The following CFAP299 variants were observed in gnomAD, a reference collection of about 807,000 sequenced individuals.
CFAP299 encodes the protein cilia- and flagella-associated protein 299.
In CFAP299, 21 loss-of-function variants were observed where a neutral mutation model predicts 27.0. That is an observed-to-expected ratio of 0.78 (90% CI 0.55 to 1.12). The LOEUF is 1.12. Among genes scored for constraint, CFAP299 ranks in the 50% most tolerant of loss-of-function variants. The probability of loss-of-function intolerance (pLI) is 0.00; values close to 1 mark genes in which losing one functional copy is unlikely to be tolerated. For synonymous variants in CFAP299, 104 were observed against 98.1 expected, an observed-to-expected ratio of 1.06 and a Z score of -0.36; for missense variants, 310 against 276.6, an observed-to-expected ratio of 1.12 and a Z score of -0.86.
At chr4:80,542,491 T>G (rs1298967205) in intron 2 of CFAP299, among the ~76,000 whole-genome samples, 1 of 152,058 alleles carries the variant, frequency 6.6e-6, no homozygotes, top group Admixed American at 6.6e-5. Context: ...CCAAGAATGC[T>G]CCACAGGGTT....
chr4:80,476,186 C>T (rs1306109841), intron 2 of CFAP299, among the ~76,000 whole-genome samples: 1 of 152,194 alleles, frequency 6.6e-6, no homozygotes, highest in Non-Finnish European at 1.5e-5. Context: ...CACAGCTTCA[C>T]CATCACTCCC....
At chr4:80,862,809 A>G (rs751292081) in intron 3 of CFAP299, among the ~76,000 whole-genome samples, 28 of 152,294 alleles carry the variant, frequency 1.8e-4, no homozygotes, top group Non-Finnish European at 3.2e-4. Context: ...TTTTATATAT[A>G]TATGTAAAAC....
At chr4:80,857,701 A>G (rs1732006873) in intron 3 of CFAP299, among the ~76,000 whole-genome samples, 1 of 152,176 alleles carries the variant, frequency 6.6e-6, no homozygotes, top group African/African-American at 2.4e-5. Flanking sequence ...TATATGCTGG[A>G]TTACATTTAT....
intron 3 of CFAP299, among the ~76,000 whole-genome samples, chr4:80,714,410 A>C (rs1184462535): frequency 6.6e-6 from 1 of 152,128 alleles, no homozygotes; most frequent in Non-Finnish European, 1.5e-5. Flanking sequence ...TTGCCTGGAG[A>C]AAATGCTCTG....
intron 3 of CFAP299, among the ~76,000 whole-genome samples, chr4:80,663,028 A>C (rs1180675625): frequency 6.6e-6 from 1 of 151,958 alleles, no homozygotes; most frequent in Non-Finnish European, 1.5e-5. Context: ...GAAAAAAAAA[A>C]ACAACACATC....
chr4:80,847,981 G>T (rs1316864404), intron 3 of CFAP299, among the ~76,000 whole-genome samples: 2 of 152,076 alleles, frequency 1.3e-5, no homozygotes, highest in African/African-American at 4.8e-5. Context: ...AGGCTGAGGT[G>T]AGTGGATCGC....
At chr4:80,938,225 C>T (rs758508123) in intron 4 of CFAP299, among the ~76,000 whole-genome samples, 1 of 152,172 alleles carries the variant, frequency 6.6e-6, no homozygotes, top group African/African-American at 2.4e-5. Context: ...TGGCCATATA[C>T]TGGCCCCAAA....
chr4:80,756,328 G>C (rs1319366916), intron 3 of CFAP299, among the ~76,000 whole-genome samples: 3 of 151,856 alleles, frequency 2.0e-5, no homozygotes, highest in African/African-American at 4.8e-5. Context: ...CTTTCCCTAA[G>C]CATGAAAATA....
chr4:80,718,876 G>A (rs1462379344), intron 3 of CFAP299, among the ~76,000 whole-genome samples: 1 of 151,974 alleles, frequency 6.6e-6, no homozygotes. Context: ...AAAGTTCAAA[G>A]CACTAATGTG....
intron 2 of CFAP299, among the ~76,000 whole-genome samples, chr4:80,364,662 T>C (rs1396486826): frequency 6.6e-6 from 1 of 152,202 alleles, no homozygotes; most frequent in African/African-American, 2.4e-5. Flanking sequence ...TAGGTAAACA[T>C]GTGCCATGGT....
At chr4:80,825,758 A>G (rs1447133756) in intron 3 of CFAP299, among the ~76,000 whole-genome samples, 1 of 151,904 alleles carries the variant, frequency 6.6e-6, no homozygotes, top group African/African-American at 2.4e-5. Context: ...AGTCCTGGAG[A>G]GTAAAATGAA....
intron 3 of CFAP299, among the ~76,000 whole-genome samples, chr4:80,842,741 T>C (rs1165094130): frequency 1.3e-5 from 2 of 152,100 alleles, no homozygotes; most frequent in African/African-American, 4.8e-5. Context: ...GTGATTAGGC[T>C]ATGACACCAG....
intron 3 of CFAP299, among the ~76,000 whole-genome samples, chr4:80,634,272 G>A (rs1012323990): frequency 3.3e-5 from 5 of 151,940 alleles, no homozygotes; most frequent in African/African-American, 4.8e-5. Context: ...GTGAGCCACC[G>A]CACATGGCCG....
At chr4:80,842,280 T>C (rs897379331) in intron 3 of CFAP299, among the ~76,000 whole-genome samples, 12 of 152,266 alleles carry the variant, frequency 7.9e-5, no homozygotes, top group African/African-American at 2.6e-4. Flanking sequence ...AGCACAGACA[T>C]TGGGTCATGG....
chr4:80,945,030 C>T, intron 5 of CFAP299, 91 bp downstream of exon 5: 3 of 1,229,186 alleles, frequency 2.4e-6, no homozygotes, highest in Non-Finnish European at 3.5e-6. Flanking sequence ...ATTTGACACT[C>T]TTAAGTTGTT....
chr4:80,779,706 C>T (rs1484412668), intron 3 of CFAP299, among the ~76,000 whole-genome samples: 1 of 151,950 alleles, frequency 6.6e-6, no homozygotes, highest in African/African-American at 2.4e-5. Flanking sequence ...GTATTCTCCT[C>T]ATGCACTGGC....
intron 2 of CFAP299, among the ~76,000 whole-genome samples, chr4:80,578,969 T>G (rs1023646432): frequency 3.3e-5 from 5 of 152,308 alleles, no homozygotes; most frequent in African/African-American, 1.2e-4. Context: ...AGAGCATCTT[T>G]TTCCAGAAAA....
At chr4:80,344,062 C>G (rs1236745766) in intron 1 of CFAP299, among the ~76,000 whole-genome samples, 1 of 150,104 alleles carries the variant, frequency 6.7e-6, no homozygotes, top group African/African-American at 2.4e-5. Context: ...CTCAAGTTAA[C>G]AACCTGACAA....
chr4:80,424,453 G>T (rs958001400), intron 2 of CFAP299, among the ~76,000 whole-genome samples: 1 of 152,144 alleles, frequency 6.6e-6, no homozygotes, highest in Non-Finnish European at 1.5e-5. Flanking sequence ...TCTCTTGAGG[G>T]TCACTGGCGA....
Sources: gnomAD v4.1 joint callset for allele counts (sites outside exome capture counted in the v4.1 genomes callset) on GRCh38, gnomAD v4.1.1 for gene constraint, MANE v1.5 for transcripts, NCBI Gene and HGNC (gene_info 2026-07-23, HGNC 2026-07-21) for gene names.